The following CMKLR1 variants were observed in gnomAD, a reference collection of about 807,000 sequenced individuals.
CMKLR1 encodes the protein chemerin chemokine-like receptor 1.
Under a neutral mutation model 8.2 loss-of-function variants are expected in CMKLR1, and 6 were observed. The ratio of observed to expected loss-of-function variants is 0.73; its 90% CI spans 0.40 to 1.44. CMKLR1 has a LOEUF of 1.44. Among genes scored for constraint, CMKLR1 ranks in the 40% most tolerant of loss-of-function variants. CMKLR1 has a pLI of 0.02. For synonymous variants in CMKLR1, 178 were observed against 181.2 expected, an observed-to-expected ratio of 0.98 and a Z score of 0.14; for missense variants, 429 against 478.0, an observed-to-expected ratio of 0.90 and a Z score of 0.96.
chr12:108,314,356 C>G (rs1020634268), intron 2 of CMKLR1, among the ~76,000 whole-genome samples: 2 of 152,116 alleles, frequency 1.3e-5, no homozygotes, highest in Non-Finnish European at 2.9e-5. Context: ...AAAACCAAAC[C>G]CACTCAGGGG....
In CMKLR1 at chr12:108,292,659, C is replaced by A. The variant is rs1190751376; in HGVS notation, c.304G>T (p.Asp102Tyr). ...GCTGTCCCGAAAACCCAGTGGTAGT[C>A]CATGGCGGCATAGGTGATATGGATT... Reference protein sequence around the residue: ...LPIHITYAAMDYHWVFGTAMC... With the variant: ...LPIHITYAAMYYHWVFGTAMC... Residue 102 changes from aspartate to tyrosine, a missense_variant, in exon 4 of 4, where the codon GAC becomes TAC. Physicochemically the swap from Asp to Tyr is radical, Grantham distance 160. Coordinates refer to ENST00000550402, the MANE Select transcript of CMKLR1 (RefSeq NM_001142343.2). 6.2e-7 allele frequency: 1 copy of A among 1,614,134 alleles called. No individual in the cohort carries two copies. Among genetic ancestry groups the A allele is most frequent in the Middle Eastern group, 1.6e-4 (1 of 6,062 alleles).
chr12:108,321,111 G>C (rs994101867), intron 2 of CMKLR1, among the ~76,000 whole-genome samples: 1 of 152,152 alleles, frequency 6.6e-6, no homozygotes, highest in Non-Finnish European at 1.5e-5. Context: ...GGGTCCCCGT[G>C]GGATCAGACT....
chr12:108,323,333 C>T lies in CMKLR1; in HGVS notation c.-74+6662G>A, dbSNP rs568514348. The stretch of plus-strand genomic sequence containing the variant: ...GCTTACCTTGCTATCTGTGATTTTC[C>T]CTTTTTTATTTTATTTATTTATTTA... On this transcript the variant is annotated intron_variant, in intron 2 of 3. Coordinates refer to ENST00000550402, the MANE Select transcript of CMKLR1 (RefSeq NM_001142343.2). Among the ~76,000 whole-genome samples, 31 of 147,014 alleles carry T rather than the reference C, an allele frequency of 2.1e-4. No individual in the cohort carries two copies. In the South Asian group the frequency reaches 6.7e-3, roughly 32 times the overall value.
chr12:108,289,003 G>C lies in CMKLR1; in HGVS notation c.*2838C>G, dbSNP rs1890884455. 6.8e-6 allele frequency: 1 copy of C among 147,328 alleles called. No individual in the cohort carries two copies. The highest frequency in any genetic ancestry group is 6.8e-5 in the Admixed American group (1 of 14,640). 9.1% of individuals were successfully genotyped at this position (147,328 alleles called of 1,614,324 possible). On this transcript the variant is annotated 3_prime_UTR_variant, in exon 4 of 4. Coordinates refer to ENST00000550402, the MANE Select transcript of CMKLR1 (RefSeq NM_001142343.2). ...GGTCCCCTTCTGCCAGGGCCAATTT[G>C]AGGTTTCAGTGTTTGTGCCTGAACC... is the stretch of plus-strand genomic sequence containing the variant.
chr12:108,320,452 A>G (rs1891834606), intron 2 of CMKLR1: 1 of 152,192 alleles, frequency 6.6e-6, no homozygotes, highest in Admixed American at 6.5e-5. Flanking sequence ...CAGAATTAAC[A>G]TCCCAGCCCT....
intron 2 of CMKLR1, among the ~76,000 whole-genome samples, chr12:108,329,169 A>G (rs1266379676): frequency 1.3e-5 from 2 of 152,206 alleles, no homozygotes; most frequent in African/African-American, 4.8e-5. Flanking sequence ...GAGTTTGGAG[A>G]GGGCAAGGGT....
chr12:108,303,601 G>A (rs151065928), intron 2 of CMKLR1, among the ~76,000 whole-genome samples: 3 of 152,278 alleles, frequency 2.0e-5, no homozygotes, highest in African/African-American at 4.8e-5. Context: ...CCCAAACCCT[G>A]CTGAATTGAC....
intron 2 of CMKLR1, among the ~76,000 whole-genome samples, chr12:108,324,087 A>G (rs953026442): frequency 2.0e-5 from 3 of 152,014 alleles, no homozygotes; most frequent in African/African-American, 7.2e-5. Context: ...TCTGGGCAAA[A>G]CCAGGCATTT....
intron 2 of CMKLR1, among the ~76,000 whole-genome samples, chr12:108,308,023 C>T (rs1023564585): frequency 7.2e-5 from 11 of 152,248 alleles, no homozygotes; most frequent in African/African-American, 2.4e-4. Flanking sequence ...AGTGAAGTGA[C>T]CGAGTGAGCA....
chr12:108,337,816 C>T (rs570093039), intron 1 of CMKLR1, among the ~76,000 whole-genome samples: 12 of 152,314 alleles, frequency 7.9e-5, no homozygotes, highest in East Asian at 7.7e-4. Context: ...AAAGGCCAAG[C>T]TGCCTCCTCC....
At chr12:108,303,637 G>A (rs1175327452) in intron 2 of CMKLR1, among the ~76,000 whole-genome samples, 2 of 152,122 alleles carry the variant, frequency 1.3e-5, no homozygotes, top group African/African-American at 2.4e-5. Flanking sequence ...CCACTGCTTC[G>A]CCTCCTTGGA....
chr12:108,319,878 C>G (rs1891818384), intron 2 of CMKLR1, among the ~76,000 whole-genome samples: 1 of 152,162 alleles, frequency 6.6e-6, no homozygotes, highest in East Asian at 1.9e-4. Flanking sequence ...ATTTCTCATT[C>G]TTACATTCAA....
At chr12:108,311,972 GT>G (rs949086900) in intron 2 of CMKLR1, among the ~76,000 whole-genome samples, 3 of 152,346 alleles carry the variant, frequency 2.0e-5, no homozygotes, top group Middle Eastern at 3.4e-3. Flanking sequence ...TCTGCCTGGG[GT>G]GTGCTTTCCA....
chr12:108,309,326 C>T (rs1051809946), intron 2 of CMKLR1, among the ~76,000 whole-genome samples: 1 of 152,172 alleles, frequency 6.6e-6, no homozygotes, highest in African/African-American at 2.4e-5. Flanking sequence ...TTCCCCTCCC[C>T]CAGCATTTAT....
intron 2 of CMKLR1, among the ~76,000 whole-genome samples, chr12:108,304,352 T>G (rs1891352810): frequency 6.6e-6 from 1 of 152,196 alleles, no homozygotes; most frequent in African/African-American, 2.4e-5. Context: ...CCTGCCGGTG[T>G]GTGTCCTATG....
intron 2 of CMKLR1, among the ~76,000 whole-genome samples, chr12:108,323,863 G>A (rs186558845): frequency 1.2e-4 from 19 of 152,342 alleles, no homozygotes; most frequent in Admixed American, 9.8e-4. Flanking sequence ...AGTGGCACAG[G>A]GGCCAAGGGA....
At chr12:108,305,715 G>A (rs1178960587) in intron 2 of CMKLR1, among the ~76,000 whole-genome samples, 4 of 152,336 alleles carry the variant, frequency 2.6e-5, no homozygotes, top group East Asian at 1.9e-4. Context: ...AATTAGCTCC[G>A]TGTCAGGAGA....
chr12:108,329,676 C>T (rs1410301438), intron 2 of CMKLR1, among the ~76,000 whole-genome samples: 1 of 152,194 alleles, frequency 6.6e-6, no homozygotes, highest in Non-Finnish European at 1.5e-5. Flanking sequence ...AAGCAACCAA[C>T]ATTAAAGCCA....
rs553692706 is a variant in CMKLR1 at position 108,307,442 on chromosome 12, G to A, written c.-73-13778C>T. On this transcript the variant is annotated intron_variant, in intron 2 of 3. Coordinates refer to ENST00000550402, the MANE Select transcript of CMKLR1 (RefSeq NM_001142343.2). The stretch of plus-strand genomic sequence containing the variant: ...CCTCTGCCCTTGCTTCTCTTCTCTG[G>A]CACCCTGAGATACCTGAAAAGTGGC... 5.7e-4 allele frequency among the ~76,000 whole-genome samples: 87 copies of A among 152,234 alleles called. 1 individual carries two copies. The highest frequency in any genetic ancestry group is 2.0e-3 in the African/African-American group (84 of 41,524).
Sources: allele counts gnomAD v4.1 joint callset (sites outside exome capture counted in the v4.1 genomes callset), GRCh38; gene constraint gnomAD v4.1.1; transcripts MANE v1.5; gene names NCBI Gene and HGNC (gene_info 2026-07-23, HGNC 2026-07-21).